The following ALK variants were observed in gnomAD, a reference collection of about 807,000 sequenced individuals.
The protein encoded by ALK is ALK receptor tyrosine kinase.
A neutral mutation model predicts 163.1 loss-of-function variants in ALK; 74 were observed. The observed-to-expected ratio is 0.45, with a 90% CI of 0.38 to 0.55. The LOEUF is 0.55. Ranked by LOEUF, ALK falls within the 20% of genes least tolerant of loss-of-function variation. The pLI is 0.00. For synonymous variants in ALK, 960 were observed against 843.2 expected (o/e 1.14, Z -2.40); for missense variants, 2,063 against 2,105.3 (o/e 0.98, Z 0.39).
intron 1 of ALK, among the ~76,000 whole-genome samples, chr2:29,742,396 G>A (rs1377086361): frequency 6.6e-6 from 1 of 152,216 alleles, no homozygotes; most frequent in Non-Finnish European, 1.5e-5. Context: ...CTGAGCTGGA[G>A]TTGAGAGAAG....
At chr2:29,309,190 G>C (rs1666628186) in intron 8 of ALK, among the ~76,000 whole-genome samples, 1 of 152,164 alleles carries the variant, frequency 6.6e-6, no homozygotes, top group Non-Finnish European at 1.5e-5. Context: ...CATCTGCAGG[G>C]GGCCCAGAGC....
intron 1 of ALK, among the ~76,000 whole-genome samples, chr2:29,761,328 C>T (rs1680695112): frequency 6.6e-6 from 1 of 152,190 alleles, no homozygotes; most frequent in Non-Finnish European, 1.5e-5. Flanking sequence ...TCCTGCCACT[C>T]TGTGATGTGG....
intron 11 of ALK, among the ~76,000 whole-genome samples, chr2:29,265,261 G>C (rs1558644838): frequency 6.6e-6 from 1 of 152,074 alleles, no homozygotes; most frequent in Non-Finnish European, 1.5e-5. Flanking sequence ...CAAGTGATCT[G>C]CCCACCTTGG....
chr2:29,319,647 T>C (rs1430916191), intron 7 of ALK, among the ~76,000 whole-genome samples: 1 of 152,216 alleles, frequency 6.6e-6, no homozygotes, highest in Admixed American at 6.5e-5. Flanking sequence ...AACAACAGCA[T>C]GTCTGCTCTA....
At chr2:29,363,056 C>T (rs566653647) in intron 5 of ALK, among the ~76,000 whole-genome samples, 8 of 152,286 alleles carry the variant, frequency 5.3e-5, no homozygotes, top group African/African-American at 1.7e-4. Context: ...GGCTGCTTTT[C>T]CCTTTCCATT....
chr2:29,503,667 G>A (rs1225768236), intron 4 of ALK, among the ~76,000 whole-genome samples: 1 of 152,164 alleles, frequency 6.6e-6, no homozygotes, highest in Non-Finnish European at 1.5e-5. Context: ...AGGGGCATGA[G>A]TGAAGGCAGA....
chr2:29,388,208 G>C (rs1669079787), intron 4 of ALK, among the ~76,000 whole-genome samples: 1 of 152,186 alleles, frequency 6.6e-6, no homozygotes, highest in Non-Finnish European at 1.5e-5. Flanking sequence ...GAGTTTGAAA[G>C]GTTGGCAGCT....
At chr2:29,453,948 T>A (rs1322112662) in intron 4 of ALK, among the ~76,000 whole-genome samples, 1 of 152,162 alleles carries the variant, frequency 6.6e-6, no homozygotes, top group Non-Finnish European at 1.5e-5. Flanking sequence ...TTAATTCAAG[T>A]AGTTAATAAC....
At chr2:29,337,045 A>G (rs181865031) in intron 5 of ALK, among the ~76,000 whole-genome samples, 29 of 152,320 alleles carry the variant, frequency 1.9e-4, no homozygotes, top group African/African-American at 7.0e-4. Flanking sequence ...CAGGCTCTCA[A>G]CAGCCTCAAG....
At chr2:29,508,210 G>A (rs1471177675) in intron 4 of ALK, among the ~76,000 whole-genome samples, 2 of 152,216 alleles carry the variant, frequency 1.3e-5, no homozygotes, top group East Asian at 3.9e-4. Flanking sequence ...AAACTGTTCT[G>A]GCCTCTAGCT....
chr2:29,585,586 C>T (rs908047582), intron 3 of ALK, among the ~76,000 whole-genome samples: 1 of 152,138 alleles, frequency 6.6e-6, no homozygotes, highest in African/African-American at 2.4e-5. Context: ...CCTCGGCCTC[C>T]CAAGGTGCTG....
chr2:29,659,027 C>T (rs1432681287), intron 3 of ALK, among the ~76,000 whole-genome samples: 2 of 152,090 alleles, frequency 1.3e-5, no homozygotes, highest in African/African-American at 2.4e-5. Context: ...ACTGGGCTTT[C>T]AGAATTGTCC....
chr2:29,854,366 A>G (rs1666085919), intron 1 of ALK, among the ~76,000 whole-genome samples: 2 of 152,060 alleles, frequency 1.3e-5, no homozygotes, highest in African/African-American at 4.8e-5. Flanking sequence ...TCTCACTGTT[A>G]GTTCACACAA....
chr2:29,501,783 C>T (rs1270682720), intron 4 of ALK, among the ~76,000 whole-genome samples: 1 of 152,162 alleles, frequency 6.6e-6, no homozygotes, highest in African/African-American at 2.4e-5. Context: ...TGATCACTGC[C>T]ATCCATCTCT....
At chr2:29,795,123 G>C (rs1028059753) in intron 1 of ALK, among the ~76,000 whole-genome samples, 1 of 151,960 alleles carries the variant, frequency 6.6e-6, no homozygotes, top group Non-Finnish European at 1.5e-5. Flanking sequence ...AAATAATTTA[G>C]AAAAACACTA....
Position 29,856,453 on chromosome 2 carries a change from C to T in ALK, c.667+63540G>A, listed in dbSNP as rs114321904. 4.7e-3 allele frequency among the ~76,000 whole-genome samples: 717 copies of T among 152,322 alleles called. 3 individuals are homozygous for T. The highest frequency in any genetic ancestry group is 0.016 in the African/African-American group (684 of 41,572). ...ACCAGGTATTTTACAAACACGACCT[C>T]AGTCATTTCTCACTTCAACCTTTGA... On this transcript the variant is annotated intron_variant, in intron 1 of 28. Transcript: ENST00000389048.
At chr2:29,380,508 T>C (rs1025958689) in intron 5 of ALK, among the ~76,000 whole-genome samples, 5 of 152,188 alleles carry the variant, frequency 3.3e-5, no homozygotes, top group Admixed American at 6.5e-5. Flanking sequence ...AACCTCCGCC[T>C]CCCAGGTTCA....
At chr2:29,617,359 G>C (rs1436579451) in intron 3 of ALK, among the ~76,000 whole-genome samples, 1 of 152,176 alleles carries the variant, frequency 6.6e-6, no homozygotes. Flanking sequence ...TGTGCATGAC[G>C]ATCAGAGGAC....
rs1468135197 is a variant in ALK at position 29,675,516 on chromosome 2, CA to C, written c.952+19333del. ...CAGCAAAACCTGATGGGACAGAGAC[CA>C]GGGGGAGGTCCGAACCCTCAGTACC... On this transcript the variant is annotated intron_variant, in intron 3 of 28. Transcript: ENST00000389048. Among the ~76,000 whole-genome samples the C allele has an allele frequency of 5.3e-5, 8 of 151,962 alleles. No homozygotes were observed. In the East Asian group the frequency reaches 1.4e-3, roughly 26 times the overall value.
Sources: gnomAD v4.1 joint callset for allele counts (sites outside exome capture counted in the v4.1 genomes callset) on GRCh38, gnomAD v4.1.1 for gene constraint, MANE v1.5 for transcripts, NCBI Gene and HGNC (gene_info 2026-07-23, HGNC 2026-07-21) for gene names.